FYTTD1: variants seen among roughly 807,000 people sequenced by gnomAD.
FYTTD1 encodes the protein UAP56-interacting factor.
FYTTD1 carries 22 observed loss-of-function variants against 40.9 expected under a neutral mutation model. That is an observed-to-expected ratio of 0.54 (90% confidence interval 0.38 to 0.77). The LOEUF (loss-of-function observed/expected upper bound fraction) is 0.77, where lower values mean the gene tolerates loss of function less well. FYTTD1 is among the 30% of genes least tolerant of loss of function. The pLI, the probability that FYTTD1 is intolerant of heterozygous loss-of-function variation, is 0.00. For synonymous variants in FYTTD1, 140 were observed against 137.9 expected, an observed-to-expected ratio of 1.01 and a Z score of -0.10; for missense variants, 351 against 392.2, an observed-to-expected ratio of 0.90 and a Z score of 0.89.
intron 1 of FYTTD1, among the ~76,000 whole-genome samples, chr3:197,753,528 ATT>A (rs200699998): frequency 1.5e-4 from 22 of 144,284 alleles, no homozygotes; most frequent in Admixed American, 4.9e-4. Context: ...ATTGTAAGGA[ATT>A]TTTTTTTTTT....
chr3:197,777,217 C>T (rs1334707780), intron 7 of FYTTD1, among the ~76,000 whole-genome samples: 1 of 152,148 alleles, frequency 6.6e-6, no homozygotes, highest in Non-Finnish European at 1.5e-5. Flanking sequence ...CACGTTGGAA[C>T]AGTGTTTTTT....
intron 1 of FYTTD1, chr3:197,750,282 C>T: frequency 2.0e-6 from 2 of 1,004,674 alleles, no homozygotes; most frequent in Non-Finnish European, 2.6e-6. Context: ...CCCGGGCGTC[C>T]CCTCGGCCGC....
At chr3:197,775,556 A>G (rs1261647885) in intron 6 of FYTTD1, among the ~76,000 whole-genome samples, 3 of 151,904 alleles carry the variant, frequency 2.0e-5, no homozygotes, top group Non-Finnish European at 4.4e-5. Flanking sequence ...GTCCCTTACA[A>G]TCGGCCCTCC....
chr3:197,774,682 C>T (rs1481337505), intron 6 of FYTTD1, among the ~76,000 whole-genome samples: 1 of 151,410 alleles, frequency 6.6e-6, no homozygotes, highest in African/African-American at 2.4e-5. Flanking sequence ...GCATACCATC[C>T]TGAGCAGCAT....
chr3:197,766,430 G>GGTTGTGTGTGTGTGTGTGTGTGT (rs1553909118), intron 2 of FYTTD1, among the ~76,000 whole-genome samples: 12 of 134,996 alleles, frequency 8.9e-5, no homozygotes, highest in Non-Finnish European at 1.9e-4. Context: ...GTTTGAGACT[G>GGTTGTGTGTGTGTGTGTGTGTGT]GTGTGTGTGT....
At chr3:197,773,627 G>A in intron 5 of FYTTD1, 128 bp downstream of exon 5, 1 of 589,334 alleles carries the variant, frequency 1.7e-6, no homozygotes, top group African/African-American at 1.9e-5. Context: ...GCACGTGGTA[G>A]TAGATTAGTT....
intron 8 of FYTTD1, 88 bp from the exon 9 acceptor site, chr3:197,781,723 T>C: frequency 1.2e-6 from 1 of 852,056 alleles, no homozygotes; most frequent in Middle Eastern, 2.2e-4. Flanking sequence ...AATCATAAGA[T>C]CACATTATTG....
chr3:197,773,254 C>G, intron 4 of FYTTD1, 149 bp from the exon 5 acceptor site: 1 of 591,872 alleles, frequency 1.7e-6, no homozygotes, highest in Non-Finnish European at 3.0e-6. Context: ...ATCTCAGTAG[C>G]TTCATGTTAA....
intron 4 of FYTTD1, 143 bp downstream of exon 4, chr3:197,770,387 C>A: frequency 1.6e-6 from 1 of 630,706 alleles, no homozygotes; most frequent in Non-Finnish European, 2.9e-6. Context: ...TCTGAACATC[C>A]ACATGGATGT....
chr3:197,784,351 C>G lies in FYTTD1; in HGVS notation c.*2442C>G, dbSNP rs144165398. The G allele has an allele frequency of 1.3e-5, 2 of 152,096 alleles. No individual in the cohort carries two copies. Among genetic ancestry groups the G allele is most frequent in the Non-Finnish European group, 2.9e-5 (2 of 68,012 alleles). 9.4% of individuals were successfully genotyped at this position (152,096 alleles called of 1,614,324 possible). On this transcript the variant is annotated 3_prime_UTR_variant, in exon 9 of 9. Coordinates refer to ENST00000241502, the MANE Select transcript of FYTTD1 (RefSeq NM_032288.7). ...GTGGTTTTTAGATTGTTCTATGTTA[C>G]GAAGAACTTTGTAGTGGTTATCTAT...
At chr3:197,779,108 G>A (rs1215873742) in intron 8 of FYTTD1, among the ~76,000 whole-genome samples, 1 of 152,132 alleles carries the variant, frequency 6.6e-6, no homozygotes, top group African/African-American at 2.4e-5. Flanking sequence ...CAGGATACAA[G>A]GTTAATAACA....
intron 2 of FYTTD1, among the ~76,000 whole-genome samples, chr3:197,765,117 T>G (rs184515213): frequency 3.3e-5 from 5 of 152,322 alleles, no homozygotes; most frequent in African/African-American, 1.2e-4. Context: ...CCTCACTAAA[T>G]GTTGGAATTA....
In FYTTD1 at chr3:197,750,081, G is replaced by A; in HGVS notation, c.103+7G>A. ...AAAATAGATATGTCTTTGGGTGAGG[G>A]GCCGAGTTGGACCGAGTTGGAGTGC... On this transcript the variant is annotated splice_region_variant and intron_variant, in intron 1 of 8. Coordinates refer to ENST00000241502, the MANE Select transcript of FYTTD1 (RefSeq NM_032288.7). 2 of 1,559,410 alleles carry A rather than the reference G, an allele frequency of 1.3e-6. No individual in the cohort carries two copies. The highest frequency in any genetic ancestry group is 1.7e-6 in the Non-Finnish European group (2 of 1,152,276).
chr3:197,766,085 C>T lies in FYTTD1; in HGVS notation c.236-2354C>T, dbSNP rs540371997. Reference sequence around the variant, plus strand: ...GGCTGAGGCAGGAGAATTCTTTGAACCCAGGAGGTGGAGGTTGCAGTGAGC... The same window carrying T: ...GGCTGAGGCAGGAGAATTCTTTGAATCCAGGAGGTGGAGGTTGCAGTGAGC... On this transcript the variant is annotated intron_variant, in intron 2 of 8. Transcript: ENST00000241502. Among the ~76,000 whole-genome samples, 22 of 151,602 alleles carry T rather than the reference C, an allele frequency of 1.5e-4. No homozygotes were observed. In the South Asian group the frequency reaches 4.6e-3, roughly 32 times the overall value.
At chr3:197,764,864 G>T (rs1305889812) in intron 2 of FYTTD1, among the ~76,000 whole-genome samples, 2 of 150,620 alleles carry the variant, frequency 1.3e-5, no homozygotes, top group Non-Finnish European at 1.5e-5. Context: ...TTTTTTTGGG[G>T]GGGGAGGATG....
At position 197,785,092 on chromosome 3, in the gene FYTTD1, CTA is replaced by C. The variant is rs1404480787; in HGVS notation, c.*3185_*3186del. 1 of 152,186 alleles carries C rather than the reference CTA, an allele frequency of 6.6e-6. No homozygotes were observed. The highest frequency in any genetic ancestry group is 1.5e-5 in the Non-Finnish European group (1 of 68,034). The allele number at this position is 152,186 out of a possible 1,614,324, so 9.4% of individuals were successfully genotyped here. ...AGCATTTTTAGCATGGTAAGTAAATCTATTCTACCAGTGATGGTTATACTTTA... is the reference window on the plus strand; with the variant it reads ...AGCATTTTTAGCATGGTAAGTAAATCTTCTACCAGTGATGGTTATACTTTA... On this transcript the variant is annotated 3_prime_UTR_variant, in exon 9 of 9. Transcript: ENST00000241502.
intron 2 of FYTTD1, among the ~76,000 whole-genome samples, chr3:197,760,943 GTA>G (rs767806665): frequency 3.4e-5 from 5 of 145,922 alleles, no homozygotes; most frequent in Admixed American, 6.8e-5. Context: ...GTGGTAGAAT[GTA>G]TAGAGTGTTC....
At chr3:197,775,580 G>A (rs1034306070) in intron 6 of FYTTD1, among the ~76,000 whole-genome samples, 3 of 152,224 alleles carry the variant, frequency 2.0e-5, no homozygotes, top group African/African-American at 7.2e-5. Context: ...TCCGTGGATT[G>A]TTTTCATTCT....
At chr3:197,772,467 A>G (rs901428811) in intron 4 of FYTTD1, among the ~76,000 whole-genome samples, 11 of 152,220 alleles carry the variant, frequency 7.2e-5, no homozygotes, top group African/African-American at 2.7e-4. Context: ...GCAAACCACC[A>G]TGGCACATGT....
Sources: allele counts gnomAD v4.1 joint callset (sites outside exome capture counted in the v4.1 genomes callset), GRCh38; gene constraint gnomAD v4.1.1; transcripts MANE v1.5; gene names NCBI Gene and HGNC (gene_info 2026-07-23, HGNC 2026-07-21).